Variants in GALNTL6 observed in about 807,000 individuals in gnomAD.
GALNTL6 encodes the protein polypeptide N-acetylgalactosaminyltransferase-like 6.
Under a neutral mutation model 73.7 loss-of-function variants are expected in GALNTL6, and 46 were observed. The ratio of observed to expected loss-of-function variants is 0.62; its 90% CI spans 0.49 to 0.80. The LOEUF is 0.80. GALNTL6 is among the 30% of genes least tolerant of loss of function. The probability of loss-of-function intolerance (pLI) is 0.00; values close to 1 mark genes in which losing one functional copy is unlikely to be tolerated. For synonymous variants in GALNTL6, 259 were observed against 263.7 expected (o/e 0.98, Z 0.17); for missense variants, 604 against 755.0 (o/e 0.80, Z 2.34).
intron 5 of GALNTL6, among the ~76,000 whole-genome samples, chr4:172,734,840 G>A (rs536439660): frequency 5.8e-4 from 89 of 152,264 alleles, no homozygotes; most frequent in African/African-American, 1.9e-3. Context: ...TGGCTAAAAC[G>A]GGCCAAGGTA....
At chr4:172,314,600 C>CTTTTTTTTTTT (rs773057515) in intron 4 of GALNTL6, among the ~76,000 whole-genome samples, 4 of 70,706 alleles carry the variant, frequency 5.7e-5, no homozygotes, top group Non-Finnish European at 7.3e-5. Context: ...AATGCGTAGG[C>CTTTTTTTTTTT]TTTTTTTTTT....
intron 2 of GALNTL6, among the ~76,000 whole-genome samples, chr4:171,955,808 A>G (rs538837366): frequency 1.3e-3 from 202 of 152,264 alleles, no homozygotes; most frequent in African/African-American, 4.6e-3. Flanking sequence ...TTACATATAT[A>G]TAACATGTTA....
intron 6 of GALNTL6, among the ~76,000 whole-genome samples, chr4:172,811,956 G>A (rs1211945799): frequency 6.6e-6 from 1 of 152,102 alleles, no homozygotes; most frequent in Non-Finnish European, 1.5e-5. Context: ...CTAGCACGTA[G>A]TTTCTAATCA....
intron 5 of GALNTL6, among the ~76,000 whole-genome samples, chr4:172,594,075 G>A (rs570675101): frequency 4.6e-5 from 7 of 152,204 alleles, no homozygotes; most frequent in South Asian, 2.1e-4. Context: ...GGCTGGGCGC[G>A]GTGGCTCATG....
chr4:173,004,365 C>T (rs773495541), intron 10 of GALNTL6, among the ~76,000 whole-genome samples: 5 of 152,182 alleles, frequency 3.3e-5, no homozygotes, highest in African/African-American at 7.2e-5. Context: ...GAGTGGCTCA[C>T]GCCTATAATC....
chr4:172,736,903 A>G (rs1736501979), intron 5 of GALNTL6, among the ~76,000 whole-genome samples: 1 of 152,176 alleles, frequency 6.6e-6, no homozygotes, highest in African/African-American at 2.4e-5. Context: ...ATAAAGGACA[A>G]TTCCCCTGCA....
At chr4:171,841,510 T>G (rs971360821) in intron 2 of GALNTL6, among the ~76,000 whole-genome samples, 1 of 152,132 alleles carries the variant, frequency 6.6e-6, no homozygotes, top group Non-Finnish European at 1.5e-5. Context: ...AAAAATAACC[T>G]TCTCAATTTT....
At chr4:172,723,958 G>C (rs1005879730) in intron 5 of GALNTL6, among the ~76,000 whole-genome samples, 3 of 152,060 alleles carry the variant, frequency 2.0e-5, no homozygotes, top group Non-Finnish European at 4.4e-5. Flanking sequence ...GATAATAATC[G>C]TACTTACTTC....
intron 7 of GALNTL6, among the ~76,000 whole-genome samples, chr4:172,847,428 G>T (rs936664959): frequency 2.0e-5 from 3 of 151,944 alleles, no homozygotes; most frequent in Non-Finnish European, 2.9e-5. Flanking sequence ...GAGAAAGTTT[G>T]TACTGATCAA....
chr4:172,390,681 T>A (rs1278111034), intron 5 of GALNTL6, among the ~76,000 whole-genome samples: 4 of 152,190 alleles, frequency 2.6e-5, no homozygotes, highest in African/African-American at 9.7e-5. Flanking sequence ...TACATATCCC[T>A]CATGGATAAG....
chr4:172,067,033 A>AT (rs1201923975), intron 2 of GALNTL6, among the ~76,000 whole-genome samples: 7 of 151,912 alleles, frequency 4.6e-5, no homozygotes, highest in Admixed American at 2.6e-4. Flanking sequence ...TGTGTCTTAG[A>AT]TTTTAACAGT....
intron 2 of GALNTL6, among the ~76,000 whole-genome samples, chr4:172,167,934 C>G (rs1734682668): frequency 6.8e-6 from 1 of 147,868 alleles, no homozygotes; most frequent in African/African-American, 2.5e-5. Context: ...AGTCCGCAGT[C>G]CGGCCTGGGC....
rs34352455 is a variant in GALNTL6 at position 172,226,557 on chromosome 4, CTGTG to C, written c.139-3079_139-3076del. On this transcript the variant is annotated intron_variant, in intron 2 of 12. Transcript: ENST00000506823. ...ATATTTTTTTTAAAGGAAAGAAGTT[CTGTG>C]TGTGTGTGTGTGTGTGTGTCTGTGT... Among the ~76,000 whole-genome samples the C allele has an allele frequency of 4.6e-4, 68 of 146,544 alleles. 1 individual carries two copies. Among genetic ancestry groups the C allele is most frequent in the Middle Eastern group, 3.4e-3 (1 of 292 alleles).
At chr4:172,534,787 C>T (rs1414231905) in intron 5 of GALNTL6, among the ~76,000 whole-genome samples, 5 of 152,120 alleles carry the variant, frequency 3.3e-5, no homozygotes, top group African/African-American at 7.2e-5. Flanking sequence ...AGGCTGGTCT[C>T]GAACTCCTGA....
In GALNTL6 at chr4:171,939,663, C is replaced by T. The variant is rs545554283; in HGVS notation, c.138+124945C>T. 1.3e-4 allele frequency among the ~76,000 whole-genome samples: 20 copies of T among 151,890 alleles called. No individual in the cohort carries two copies. In the South Asian group the frequency reaches 1.7e-3, roughly 13 times the overall value. On this transcript the variant is annotated intron_variant, in intron 2 of 12. Transcript: ENST00000506823. ...AAAAGAAATGGACTATAGAACAATA[C>T]GTTTTACAGATTTAGGGTTATTATC...
intron 3 of GALNTL6, among the ~76,000 whole-genome samples, chr4:172,270,318 A>G (rs1738599620): frequency 6.6e-6 from 1 of 152,052 alleles, no homozygotes; most frequent in Non-Finnish European, 1.5e-5. Flanking sequence ...TGTAAGTCCA[A>G]TTCTTTTCTT....
chr4:172,994,465 G>A lies in GALNTL6; in HGVS notation c.1372-14713G>A, dbSNP rs114172240. On this transcript the variant is annotated intron_variant, in intron 10 of 12. Transcript: ENST00000506823. ...AGCTCCACAAAACAGAAAGGCCATT[G>A]CTTTATAATTTAAGGCTCACAGAGA... 4.6e-3 allele frequency among the ~76,000 whole-genome samples: 698 copies of A among 152,244 alleles called. 2 individuals are homozygous for A. Among genetic ancestry groups the A allele is most frequent in the Non-Finnish European group, 8.0e-3 (543 of 68,030 alleles).
chr4:172,480,300 G>A (rs1455121), intron 5 of GALNTL6, among the ~76,000 whole-genome samples: 63,762 of 151,484 alleles, frequency 0.42, 16,302 homozygotes, highest in South Asian at 0.67. Flanking sequence ...GCAACAGGGC[G>A]AGGCCCTGTC....
At chr4:172,380,228 C>T (rs900066058) in intron 5 of GALNTL6, 14 of 935,930 alleles carry the variant, frequency 1.5e-5, no homozygotes, top group African/African-American at 3.2e-5. Context: ...AATATCTTAA[C>T]GTATTCTCCC....
Sources: gnomAD v4.1 joint callset for allele counts (sites outside exome capture counted in the v4.1 genomes callset) on GRCh38, gnomAD v4.1.1 for gene constraint, MANE v1.5 for transcripts, NCBI Gene and HGNC (gene_info 2026-07-23, HGNC 2026-07-21) for gene names.